SLC14A2: variants seen among roughly 807,000 people sequenced by gnomAD.
SLC14A2 encodes the protein urea transporter 2.
Under a neutral mutation model 104.6 loss-of-function variants are expected in SLC14A2, and 91 were observed. The observed-to-expected ratio is 0.87, with a 90% CI of 0.73 to 1.04. SLC14A2 has a LOEUF of 1.04. Among genes scored for constraint, SLC14A2 ranks in the 50% least tolerant of loss-of-function variants. The pLI is 0.00. For synonymous variants in SLC14A2, 476 were observed against 466.4 expected, an observed-to-expected ratio of 1.02 and a Z score of -0.27; for missense variants, 1,189 against 1,156.0, an observed-to-expected ratio of 1.03 and a Z score of -0.41.
the SLC14A2 span, among the ~76,000 whole-genome samples, chr18:45,183,906 ATTTTTTTTTTTTTT>A: frequency 1.6e-5 from 1 of 62,720 alleles, no homozygotes; most frequent in Non-Finnish European, 2.7e-5. Context: ...TAATTTTCTA[ATTTTTTTTTTTTTT>A]TTTTTTTTTT....
chr18:45,191,557 A>T, the SLC14A2 span, among the ~76,000 whole-genome samples: 1 of 152,208 alleles, frequency 6.6e-6, no homozygotes, highest in African/African-American at 2.4e-5. Flanking sequence ...ATTAAATGAC[A>T]TATCTTGGTT....
intron 1 of SLC14A2, among the ~76,000 whole-genome samples, chr18:45,304,244 C>A (rs1336350108): frequency 6.6e-6 from 1 of 152,088 alleles, no homozygotes; most frequent in African/African-American, 2.4e-5. Flanking sequence ...AGGATTTTTC[C>A]ACTAAAAATA....
chr18:45,641,431 A>G (rs2045526747), intron 8 of SLC14A2, 88 bp downstream of exon 8: 12 of 1,469,562 alleles, frequency 8.2e-6, no homozygotes, highest in Admixed American at 1.7e-5. Flanking sequence ...CCACTAATCA[A>G]TACTGTTCAG....
At chr18:45,396,856 G>T (rs1568182058) in intron 1 of SLC14A2, among the ~76,000 whole-genome samples, 1 of 151,772 alleles carries the variant, frequency 6.6e-6, no homozygotes, top group African/African-American at 2.4e-5. Flanking sequence ...AGAGTCTGTT[G>T]TTCCCTTTGT....
At chr18:45,226,262 G>A (rs79767030) in intron 1 of SLC14A2, among the ~76,000 whole-genome samples, 17,199 of 152,192 alleles carry the variant, frequency 0.11, 989 homozygotes, top group Non-Finnish European at 0.12. Context: ...ACAGTGTGGT[G>A]ATTCCTCAAG....
intron 1 of SLC14A2, among the ~76,000 whole-genome samples, chr18:45,354,883 G>T (rs558208758): frequency 6.6e-6 from 1 of 152,302 alleles, no homozygotes; most frequent in African/African-American, 2.4e-5. Flanking sequence ...TGTGGACTGG[G>T]CACTCACTAA....
chr18:45,206,621 A>G, the SLC14A2 span, among the ~76,000 whole-genome samples: 1 of 152,142 alleles, frequency 6.6e-6, no homozygotes, highest in Non-Finnish European at 1.5e-5. Context: ...ATCTCTTATT[A>G]TTTCCTAGGG....
intron 1 of SLC14A2, among the ~76,000 whole-genome samples, chr18:45,221,146 G>C (rs1003379880): frequency 3.3e-5 from 5 of 152,046 alleles, no homozygotes; most frequent in African/African-American, 1.2e-4. Context: ...CCCATAACAG[G>C]GTCATTTAAT....
intron 1 of SLC14A2, among the ~76,000 whole-genome samples, chr18:45,331,590 C>T (rs2085291064): frequency 6.6e-6 from 1 of 151,650 alleles, no homozygotes; most frequent in African/African-American, 2.4e-5. Context: ...ACTCGGGAGG[C>T]TGAGGCAGGA....
chr18:45,250,394 G>A (rs147198837), intron 1 of SLC14A2, among the ~76,000 whole-genome samples: 100 of 152,184 alleles, frequency 6.6e-4, no homozygotes, highest in African/African-American at 2.2e-3. Flanking sequence ...ACACGTGATT[G>A]TCATACATAG....
At chr18:45,328,867 C>CA (rs1429498621) in intron 1 of SLC14A2, among the ~76,000 whole-genome samples, 1 of 152,188 alleles carries the variant, frequency 6.6e-6, no homozygotes, top group Non-Finnish European at 1.5e-5. Context: ...AGTATGTGTG[C>CA]AAAAGCAAAC....
At chr18:45,438,891 T>C (rs2086639046) in intron 1 of SLC14A2, among the ~76,000 whole-genome samples, 1 of 152,204 alleles carries the variant, frequency 6.6e-6, no homozygotes, top group Non-Finnish European at 1.5e-5. Context: ...TTCTGAACAA[T>C]ATCTCCTTTA....
intron 1 of SLC14A2, among the ~76,000 whole-genome samples, chr18:45,450,069 TTATA>T (rs1422976664): frequency 6.6e-6 from 1 of 152,214 alleles, no homozygotes; most frequent in Non-Finnish European, 1.5e-5. Context: ...TATGAACCAT[TTATA>T]TATTTCCCCA....
chr18:45,417,930 A>G (rs914043326), intron 1 of SLC14A2, among the ~76,000 whole-genome samples: 3 of 152,174 alleles, frequency 2.0e-5, no homozygotes, highest in Admixed American at 6.5e-5. Flanking sequence ...ACTCTTTTAT[A>G]AGAGGAACCT....
chr18:45,175,081 C>T, the SLC14A2 span, among the ~76,000 whole-genome samples: 2 of 152,090 alleles, frequency 1.3e-5, no homozygotes, highest in East Asian at 1.9e-4. Context: ...GTCAAAATTA[C>T]AAATGCAAAT....
intron 1 of SLC14A2, among the ~76,000 whole-genome samples, chr18:45,388,893 G>A (rs1181031597): frequency 6.6e-6 from 1 of 152,182 alleles, no homozygotes; most frequent in Non-Finnish European, 1.5e-5. Context: ...CTTCTTCAAA[G>A]AAGGCACATT....
intron 1 of SLC14A2, among the ~76,000 whole-genome samples, chr18:45,293,237 C>T (rs569369367): frequency 6.6e-6 from 1 of 152,186 alleles, no homozygotes; most frequent in South Asian, 2.1e-4. Flanking sequence ...AGTTTATAGC[C>T]ACATTTCAGT....
intron 1 of SLC14A2, among the ~76,000 whole-genome samples, chr18:45,257,254 T>C (rs1270218422): frequency 6.6e-6 from 1 of 152,230 alleles, no homozygotes. Flanking sequence ...AGTGGCAATT[T>C]GACTTTGGAA....
At chr18:45,204,985 T>TC in the SLC14A2 span, among the ~76,000 whole-genome samples, 1 of 152,030 alleles carries the variant, frequency 6.6e-6, no homozygotes, top group South Asian at 2.1e-4. Context: ...GGGTATCAGC[T>TC]CCCTCAGCTT....
Sources: gnomAD v4.1 joint callset for allele counts (sites outside exome capture counted in the v4.1 genomes callset) on GRCh38, gnomAD v4.1.1 for gene constraint, MANE v1.5 for transcripts, NCBI Gene and HGNC (gene_info 2026-07-23, HGNC 2026-07-21) for gene names.